The following IQSEC3 variants were observed in gnomAD, a reference collection of about 807,000 sequenced individuals.
IQSEC3 encodes IQ motif and SEC7 domain-containing protein 3.
In IQSEC3, 50 loss-of-function variants were observed where a neutral mutation model predicts 105.4. The ratio of observed to expected loss-of-function variants is 0.47; its 90% CI spans 0.38 to 0.60. The LOEUF (loss-of-function observed/expected upper bound fraction) is 0.60, where lower values mean the gene tolerates loss of function less well. IQSEC3 is among the 20% of genes least tolerant of loss of function. IQSEC3 has a pLI of 0.00. For synonymous variants in IQSEC3, 708 were observed against 746.0 expected (o/e 0.95, Z 0.83); for missense variants, 1,415 against 1,630.0 (o/e 0.87, Z 2.27).
intron 2 of IQSEC3, among the ~76,000 whole-genome samples, chr12:104,035 T>G (rs1458844614): frequency 6.6e-6 from 1 of 152,006 alleles, no homozygotes; most frequent in Non-Finnish European, 1.5e-5. Context: ...TGGTCCTTGC[T>G]TCTTCCTTCT....
At position 171,279 on chromosome 12, in the gene IQSEC3, C is replaced by A. The variant is rs782812583; in HGVS notation, c.3114+118C>A. 3 of 1,614,090 alleles carry A rather than the reference C, an allele frequency of 1.9e-6. No individual in the cohort carries two copies. In the Admixed American group the frequency reaches 5.0e-5, roughly 27 times the overall value. ...TCAATGCCTCCCCAGCCCGACTCAC[C>A]ATTTTACCAATTTCAAGAGATACAA... is the stretch of plus-strand genomic sequence containing the variant. On this transcript the variant is annotated intron_variant, in intron 13 of 13. Coordinates refer to ENST00000538872, the MANE Select transcript of IQSEC3 (RefSeq NM_001170738.2).
At chr12:78,622 C>T (rs1346629443) in intron 1 of IQSEC3, among the ~76,000 whole-genome samples, 16 of 152,196 alleles carry the variant, frequency 1.1e-4, no homozygotes, top group African/African-American at 3.9e-4. Flanking sequence ...CCTCAGCCTA[C>T]GGTGCGGCAT....
At chr12:85,873 C>T (rs1362393566) in intron 1 of IQSEC3, among the ~76,000 whole-genome samples, 1 of 152,148 alleles carries the variant, frequency 6.6e-6, no homozygotes, top group Non-Finnish European at 1.5e-5. Flanking sequence ...TGTGTTGTGC[C>T]TTTGTTTCCA....
Position 165,773 on chromosome 12 carries a change from GAGA to G in IQSEC3, c.2860_2862del (p.Lys954del), listed in dbSNP as rs782383662. Reference sequence around the variant, plus strand: ...ACTGGTGACCCCGCTCTCGGGCTCCGAGAAGAAGCAGGTGCTGCATTTCTGTGC... The same window carrying G: ...ACTGGTGACCCCGCTCTCGGGCTCCGAGAAGCAGGTGCTGCATTTCTGTGC... On this transcript the variant is annotated inframe_deletion, in exon 11 of 14. Transcript: ENST00000538872. 234 of 1,613,872 alleles carry G rather than the reference GAGA, an allele frequency of 1.4e-4. No homozygotes were observed. Among genetic ancestry groups the G allele is most frequent in the Non-Finnish European group, 1.8e-4 (212 of 1,180,048 alleles).
chr12:170,901 G>GTCTGCGGCAGCC (rs1938954351), intron 12 of IQSEC3, among the ~76,000 whole-genome samples: 2 of 152,224 alleles, frequency 1.3e-5, no homozygotes, highest in African/African-American at 4.8e-5. Context: ...GAGCGGCAGC[G>GTCTGCGGCAGCC]ATCTTCTAGT....
chr12:99,249 C>T (rs782394081), intron 2 of IQSEC3, 35 bp downstream of exon 2: 31 of 1,578,240 alleles, frequency 2.0e-5, no homozygotes, highest in Non-Finnish European at 2.4e-5. Flanking sequence ...TTCCGCATCC[C>T]CACCTTCCTT....
At position 175,035 on chromosome 12, in the gene IQSEC3, C is replaced by G. The variant is rs1350528355; in HGVS notation, c.*2C>G. The G allele has an allele frequency of 6.6e-7, 1 of 1,518,902 alleles. No individual in the cohort carries two copies. The highest frequency in any genetic ancestry group is 8.8e-7 in the Non-Finnish European group (1 of 1,138,626). The allele number at this position is 1,518,902 out of a possible 1,614,324, so 94.1% of individuals were successfully genotyped here. A position where few individuals can be genotyped will look rare whatever the true frequency, so the allele number is the denominator to read the frequency against. On this transcript the variant is annotated 3_prime_UTR_variant, in exon 14 of 14. Transcript: ENST00000538872. ...AGTGGCTCAAGGAGCCTGGTGTAGA[C>G]TCTGCCCCACCACCCTGCTGTCCTG...
chr12:68,462 C>A (rs1320815308), intron 1 of IQSEC3, among the ~76,000 whole-genome samples: 2 of 152,088 alleles, frequency 1.3e-5, no homozygotes, highest in African/African-American at 4.8e-5. Flanking sequence ...CAAGCTCTTT[C>A]TTCACTCAGG....
intron 1 of IQSEC3, among the ~76,000 whole-genome samples, chr12:68,499 G>A (rs1863185462): frequency 6.6e-6 from 1 of 152,216 alleles, no homozygotes; most frequent in African/African-American, 2.4e-5. Flanking sequence ...AATATGGGAA[G>A]AAGATATGAA....
intron 1 of IQSEC3, among the ~76,000 whole-genome samples, chr12:86,059 A>C (rs1863906711): frequency 6.6e-6 from 1 of 152,226 alleles, no homozygotes; most frequent in African/African-American, 2.4e-5. Context: ...TGGCTCTGGA[A>C]AACTCATTCT....
chr12:164,859 CAAGAT>C (rs150926186), intron 9 of IQSEC3: 7,259 of 152,514 alleles, frequency 0.048, 243 homozygotes, highest in Middle Eastern at 0.082. Flanking sequence ...AACAGACAAA[CAAGAT>C]AATATCAGAT....
At chr12:88,362 A>G (rs1555072592) in intron 1 of IQSEC3, among the ~76,000 whole-genome samples, 1 of 152,196 alleles carries the variant, frequency 6.6e-6, no homozygotes, top group Admixed American at 6.5e-5. Context: ...ACATCTGAAA[A>G]ACGTACAGTG....
chr12:171,614 C>T (rs1555100353), intron 13 of IQSEC3: 3 of 534,658 alleles, frequency 5.6e-6, no homozygotes, highest in Admixed American at 3.5e-5. Context: ...ACCCCTTAGG[C>T]CCCAAACGAT....
intron 2 of IQSEC3, among the ~76,000 whole-genome samples, chr12:113,843 GGAAAGA>G (rs1555080072): frequency 6.6e-6 from 1 of 152,196 alleles, no homozygotes; most frequent in African/African-American, 2.4e-5. Flanking sequence ...TTTCTAGCTT[GGAAAGA>G]GAAAGAGAGA....
rs782345940 is a variant in IQSEC3, at chr12:139,211, C to T, written c.1848C>T (p.Ser616=). 6.3e-7 allele frequency: 1 copy of T among 1,598,142 alleles called. No individual in the cohort carries two copies. The highest frequency in any genetic ancestry group is 1.7e-5 in the Admixed American group (1 of 58,408). ...AGTCAGGCTCGGAGGCGTCGGCCTC[C>T]GCCTCCAAGGACGCCCTGCAGGCCA... is the stretch of plus-strand genomic sequence containing the variant. The part of the protein sequence containing the change: ...SAKSGSEASA[S]ASKDALQAMI... Residue 616 remains serine, a synonymous_variant, in exon 4 of 14, where the codon TCC becomes TCT. Transcript: ENST00000538872.
intron 3 of IQSEC3, among the ~76,000 whole-genome samples, chr12:135,768 C>T (rs1251393526): frequency 6.6e-6 from 1 of 152,214 alleles, no homozygotes; most frequent in Non-Finnish European, 1.5e-5. Flanking sequence ...AGCAGGCAAC[C>T]TCTAGTGACT....
chr12:160,058 T>C (rs1866830544), intron 7 of IQSEC3, among the ~76,000 whole-genome samples: 3 of 152,292 alleles, frequency 2.0e-5, no homozygotes, highest in African/African-American at 4.8e-5. Flanking sequence ...TTTTATAGCA[T>C]TTTATTCTTG....
chr12:154,360 G>C (rs1477438421), intron 5 of IQSEC3, among the ~76,000 whole-genome samples: 1 of 152,178 alleles, frequency 6.6e-6, no homozygotes, highest in Non-Finnish European at 1.5e-5. Context: ...GGGCCTCCCA[G>C]CACCCCCACC....
chr12:138,772 C>A lies in IQSEC3; in HGVS notation c.1409C>A (p.Thr470Asn), dbSNP rs528910257. 1.1e-5 allele frequency: 17 copies of A among 1,592,392 alleles called. No homozygotes were observed. The highest frequency in any genetic ancestry group is 1.4e-5 in the Non-Finnish European group (17 of 1,173,530). The change falls in exon 4 of 14, where the codon ACC (threonine) becomes AAC (asparagine). Residue 470 changes from threonine (T) to asparagine (N), a missense_variant. Transcript: ENST00000538872. The surrounding 1 kb of genome is among the most constrained non-coding windows in gnomAD (Gnocchi z 7.1). ...GPGPGDDAAE[T>N]PGLPPAHSGT... ...GGGCCCGGGGATGACGCCGCGGAGACCCCCGGCCTGCCCCCGGCCCACAGC... is the reference window on the plus strand; with the variant it reads ...GGGCCCGGGGATGACGCCGCGGAGAACCCCGGCCTGCCCCCGGCCCACAGC...
Sources: allele counts gnomAD v4.1 joint callset (sites outside exome capture counted in the v4.1 genomes callset), GRCh38; gene constraint gnomAD v4.1.1; non-coding constraint Gnocchi (gnomAD v3.1); transcripts MANE v1.5; gene names NCBI Gene and HGNC (gene_info 2026-07-23, HGNC 2026-07-21).